RAP1GDS1: variants seen among roughly 807,000 people sequenced by gnomAD.
RAP1GDS1 encodes the protein Rap1 GTPase-GDP dissociation stimulator 1, also known as RAP1, GTP-GDP dissociation stimulator 1.
Under a neutral mutation model 71.1 loss-of-function variants are expected in RAP1GDS1, and 35 were observed. The ratio of observed to expected loss-of-function variants is 0.49; its 90% CI spans 0.38 to 0.65. RAP1GDS1 has a LOEUF of 0.65. Ranked by LOEUF, RAP1GDS1 falls within the 30% of genes least tolerant of loss-of-function variation. The probability of loss-of-function intolerance (pLI) is 0.00; values close to 1 mark genes in which losing one functional copy is unlikely to be tolerated. For missense variants in RAP1GDS1, 663 were observed against 706.1 expected, an observed-to-expected ratio of 0.94 and a Z score of 0.69; for synonymous variants, 229 against 243.1, an observed-to-expected ratio of 0.94 and a Z score of 0.54.
At chr4:98,298,509 A>G (rs1728113119) in intron 2 of RAP1GDS1, among the ~76,000 whole-genome samples, 1 of 152,172 alleles carries the variant, frequency 6.6e-6, no homozygotes, top group African/African-American at 2.4e-5. Flanking sequence ...GAATGATGCT[A>G]AATTTCTCTG....
chr4:98,263,830 G>C (rs1722356805), intron 1 of RAP1GDS1, among the ~76,000 whole-genome samples: 1 of 152,114 alleles, frequency 6.6e-6, no homozygotes, highest in Non-Finnish European at 1.5e-5. Flanking sequence ...GAAACAGAAA[G>C]GTATAATTGT....
At chr4:98,424,428 C>CA (rs1174463366) in intron 12 of RAP1GDS1, among the ~76,000 whole-genome samples, 1 of 152,092 alleles carries the variant, frequency 6.6e-6, no homozygotes, top group Non-Finnish European at 1.5e-5. Context: ...AAAAAAAACT[C>CA]AAACACCTGT....
chr4:98,283,473 G>C (rs1394956565), intron 1 of RAP1GDS1, among the ~76,000 whole-genome samples: 3 of 152,094 alleles, frequency 2.0e-5, no homozygotes, highest in Non-Finnish European at 4.4e-5. Flanking sequence ...CAGTGACAAA[G>C]TATAAGTAGT....
At chr4:98,355,328 A>G (rs986907015) in intron 4 of RAP1GDS1, among the ~76,000 whole-genome samples, 8 of 152,218 alleles carry the variant, frequency 5.3e-5, no homozygotes, top group African/African-American at 1.9e-4. Context: ...GTATGTTCTA[A>G]AGAGTTCATA....
intron 12 of RAP1GDS1, among the ~76,000 whole-genome samples, chr4:98,430,124 T>C (rs1364518017): frequency 6.6e-6 from 1 of 152,046 alleles, no homozygotes; most frequent in African/African-American, 2.4e-5. Context: ...AAAAGAAGAG[T>C]TCAAATACCC....
chr4:98,305,462 G>A (rs1729181468), intron 2 of RAP1GDS1, among the ~76,000 whole-genome samples: 1 of 152,060 alleles, frequency 6.6e-6, no homozygotes, highest in African/African-American at 2.4e-5. Context: ...TGTCCTATGT[G>A]CTTAATCTAA....
At chr4:98,393,469 C>T (rs1206260132) in intron 6 of RAP1GDS1, among the ~76,000 whole-genome samples, 19 of 151,418 alleles carry the variant, frequency 1.3e-4, no homozygotes, top group African/African-American at 2.4e-5. Flanking sequence ...TATTCTTTTC[C>T]GTGATTAAAA....
intron 6 of RAP1GDS1, among the ~76,000 whole-genome samples, chr4:98,403,189 G>T (rs1367068690): frequency 6.6e-6 from 1 of 152,034 alleles, no homozygotes; most frequent in African/African-American, 2.4e-5. Flanking sequence ...GAGAGATAAT[G>T]ATAAAGATAA....
chr4:98,441,471 T>C, intron 14 of RAP1GDS1: 2 of 985,344 alleles, frequency 2.0e-6, no homozygotes, highest in Non-Finnish European at 2.4e-6. Context: ...TGGTAAGTCA[T>C]TGGACTTCAT....
chr4:98,393,798 C>T (rs1053308341), intron 6 of RAP1GDS1, among the ~76,000 whole-genome samples: 9 of 152,150 alleles, frequency 5.9e-5, no homozygotes, highest in Admixed American at 2.0e-4. Flanking sequence ...TATAAAATCT[C>T]ATCAATATTT....
At chr4:98,360,899 C>T (rs1290922790) in intron 4 of RAP1GDS1, among the ~76,000 whole-genome samples, 1 of 151,686 alleles carries the variant, frequency 6.6e-6, no homozygotes. Flanking sequence ...TGGTGAAACC[C>T]CATCTCTACT....
At chr4:98,440,809 C>CCAGGTT (rs1751764052) in intron 14 of RAP1GDS1, among the ~76,000 whole-genome samples, 1 of 152,156 alleles carries the variant, frequency 6.6e-6, no homozygotes, top group African/African-American at 2.4e-5. Context: ...CTTCCACCTC[C>CCAGGTT]CAGGTTCAAG....
chr4:98,280,916 T>C (rs963079334), intron 1 of RAP1GDS1, among the ~76,000 whole-genome samples: 4 of 152,150 alleles, frequency 2.6e-5, no homozygotes, highest in Non-Finnish European at 5.9e-5. Flanking sequence ...GATCAGATGG[T>C]TGTAGATGTG....
intron 12 of RAP1GDS1, among the ~76,000 whole-genome samples, chr4:98,432,459 G>A (rs1052570055): frequency 6.6e-6 from 1 of 152,128 alleles, no homozygotes; most frequent in African/African-American, 2.4e-5. Flanking sequence ...AGTAAATTGG[G>A]GAGGTTAGAA....
chr4:98,264,163 G>A (rs1722401979), intron 1 of RAP1GDS1, among the ~76,000 whole-genome samples: 1 of 152,156 alleles, frequency 6.6e-6, no homozygotes, highest in South Asian at 2.1e-4. Context: ...GGCCGAGGCG[G>A]GCGGATCACC....
At position 98,355,269 on chromosome 4, in the gene RAP1GDS1, A is replaced by G. The variant is rs572290397; in HGVS notation, c.361+2668A>G. On this transcript the variant is annotated intron_variant, in intron 4 of 14. Transcript: ENST00000408927. ...ATTTTTAAAAGGAGTATAGAAAACT[A>G]CATGATAGCCTTGTGATCAATACAA... 2.2e-3 allele frequency among the ~76,000 whole-genome samples: 332 copies of G among 152,348 alleles called. 1 individual carries two copies. Among genetic ancestry groups the G allele is most frequent in the South Asian group, 0.018 (86 of 4,832 alleles).
chr4:98,355,244 AT>A (rs1459276766), intron 4 of RAP1GDS1, among the ~76,000 whole-genome samples: 1 of 152,160 alleles, frequency 6.6e-6, no homozygotes, highest in African/African-American at 2.4e-5. Flanking sequence ...GTAATGCTTC[AT>A]TTTTAAAAGG....
At chr4:98,335,227 G>A (rs1161262432) in intron 2 of RAP1GDS1, among the ~76,000 whole-genome samples, 1 of 152,098 alleles carries the variant, frequency 6.6e-6, no homozygotes, top group Non-Finnish European at 1.5e-5. Flanking sequence ...TTAGGTGCTG[G>A]TGACTGTCCT....
chr4:98,383,730 A>G (rs1158125419), intron 5 of RAP1GDS1, among the ~76,000 whole-genome samples: 1 of 151,578 alleles, frequency 6.6e-6, no homozygotes, highest in Non-Finnish European at 1.5e-5. Flanking sequence ...CCCCATATTA[A>G]AGATTATTTA....
Sources: allele counts gnomAD v4.1 joint callset (sites outside exome capture counted in the v4.1 genomes callset), GRCh38; gene constraint gnomAD v4.1.1; transcripts MANE v1.5; gene names NCBI Gene and HGNC (gene_info 2026-07-23, HGNC 2026-07-21).